The following SGK3 variants were observed in gnomAD, a reference collection of about 807,000 sequenced individuals.
The protein encoded by SGK3 is serine/threonine-protein kinase Sgk3.
SGK3 carries 47 observed loss-of-function variants against 68.5 expected under a neutral mutation model. The observed-to-expected ratio is 0.69, with a 90% confidence interval of 0.54 to 0.87. The LOEUF is 0.87. Ranked by LOEUF, SGK3 falls within the 40% of genes least tolerant of loss-of-function variation. The probability of loss-of-function intolerance (pLI) is 0.00; values close to 1 mark genes in which losing one functional copy is unlikely to be tolerated. For synonymous variants in SGK3, 181 were observed against 189.1 expected (o/e 0.96, Z 0.35); for missense variants, 479 against 575.5 (o/e 0.83, Z 1.72).
intron 1 of SGK3, among the ~76,000 whole-genome samples, chr8:66,729,484 C>T (rs908456778): frequency 2.6e-5 from 4 of 151,762 alleles, no homozygotes; most frequent in Non-Finnish European, 4.4e-5. Context: ...AAAAAAAAAT[C>T]CTGTTGTATG....
intron 1 of SGK3, among the ~76,000 whole-genome samples, chr8:66,748,083 C>T (rs1331862161): frequency 6.6e-6 from 1 of 152,126 alleles, no homozygotes; most frequent in East Asian, 1.9e-4. Context: ...TTGTAAAGGC[C>T]TCAGCACCAG....
chr8:66,803,647 T>G (rs2130610174), intron 3 of SGK3, among the ~76,000 whole-genome samples: 1 of 151,742 alleles, frequency 6.6e-6, no homozygotes, highest in East Asian at 1.9e-4. Context: ...GATAAACAAA[T>G]GTATTAGAAT....
At chr8:66,719,736 C>A (rs1804744920) in intron 1 of SGK3, among the ~76,000 whole-genome samples, 1 of 152,060 alleles carries the variant, frequency 6.6e-6, no homozygotes, top group Non-Finnish European at 1.5e-5. Context: ...ATTTCTGTTG[C>A]TGACATATAT....
At chr8:66,789,606 T>C (rs905499323) in intron 1 of SGK3, among the ~76,000 whole-genome samples, 11 of 152,364 alleles carry the variant, frequency 7.2e-5, no homozygotes, top group African/African-American at 2.6e-4. Context: ...CTTTGACTTG[T>C]AGACCATGTT....
chr8:66,763,633 T>A (rs997563810), intron 1 of SGK3, among the ~76,000 whole-genome samples: 9 of 152,066 alleles, frequency 5.9e-5, no homozygotes, highest in Non-Finnish European at 1.2e-4. Context: ...AATATATATG[T>A]GTATTTATAT....
At position 66,720,781 on chromosome 8, in the gene SGK3, T is replaced by TTATATATATATA. The variant is rs758419858; in HGVS notation, c.-122+7951_-122+7962dup. Among the ~76,000 whole-genome samples the TTATATATATATA allele has an allele frequency of 3.0e-3, 445 of 146,308 alleles. 10 individuals carry two copies. Among genetic ancestry groups the TTATATATATATA allele is most frequent in the African/African-American group, 0.011 (429 of 37,714 alleles). On this transcript the variant is annotated intron_variant, in intron 1 of 16. Transcript: ENST00000521198. ...GCAAAACTCTGTCTCAAAAAAAAAA[T>TTATATATATATA]TATATATATATATAATTAGCCAGGT...
chr8:66,712,936 C>A (rs896122288), intron 1 of SGK3, 103 bp downstream of exon 1: 19 of 152,188 alleles, frequency 1.2e-4, no homozygotes, highest in Admixed American at 1.2e-3. Context: ...GCCTCGGCCG[C>A]TGCCTGTCCT....
At chr8:66,788,134 C>T (rs1319666089) in intron 1 of SGK3, among the ~76,000 whole-genome samples, 1 of 152,192 alleles carries the variant, frequency 6.6e-6, no homozygotes, top group Admixed American at 6.5e-5. Context: ...AAATGTGGGT[C>T]TAGAAAACTT....
intron 1 of SGK3, among the ~76,000 whole-genome samples, chr8:66,722,238 C>T (rs1586669165): frequency 6.6e-6 from 1 of 152,066 alleles, no homozygotes; most frequent in East Asian, 1.9e-4. Flanking sequence ...TTCTCATAAA[C>T]ATTATTGGAA....
chr8:66,721,262 A>T (rs1369989482), intron 1 of SGK3, among the ~76,000 whole-genome samples: 1 of 152,020 alleles, frequency 6.6e-6, no homozygotes, highest in African/African-American at 2.4e-5. Flanking sequence ...GTGAGTACAC[A>T]ATCTACAACA....
At chr8:66,738,943 T>G (rs1805404160) in intron 1 of SGK3, among the ~76,000 whole-genome samples, 1 of 152,312 alleles carries the variant, frequency 6.6e-6, no homozygotes. Flanking sequence ...AGTCACTTTC[T>G]TTAGGACATC....
At chr8:66,755,663 C>T (rs1232125951) in intron 1 of SGK3, among the ~76,000 whole-genome samples, 5 of 152,156 alleles carry the variant, frequency 3.3e-5, no homozygotes, top group Non-Finnish European at 7.3e-5. Flanking sequence ...TTGAGTGACC[C>T]CAGTATGTCA....
chr8:66,733,480 G>C (rs1805227884), intron 1 of SGK3, among the ~76,000 whole-genome samples: 1 of 152,116 alleles, frequency 6.6e-6, no homozygotes, highest in East Asian at 1.9e-4. Flanking sequence ...AACGATTTAG[G>C]AAAGAAATAA....
intron 1 of SGK3, among the ~76,000 whole-genome samples, chr8:66,782,089 T>C (rs1317813995): frequency 6.6e-6 from 1 of 152,228 alleles, no homozygotes; most frequent in Non-Finnish European, 1.5e-5. Flanking sequence ...TTGGAGCTAG[T>C]ATCCTGAGAG....
At chr8:66,723,852 C>G (rs921800430) in intron 1 of SGK3, among the ~76,000 whole-genome samples, 9 of 152,166 alleles carry the variant, frequency 5.9e-5, no homozygotes, top group African/African-American at 1.9e-4. Context: ...TCTCTCATTT[C>G]TAATTGATCT....
chr8:66,733,627 CT>C (rs1805231469), intron 1 of SGK3, among the ~76,000 whole-genome samples: 1 of 152,116 alleles, frequency 6.6e-6, no homozygotes, highest in African/African-American at 2.4e-5. Flanking sequence ...ATTAGATTCA[CT>C]AATTTCAGTA....
chr8:66,853,660 G>C (rs1241199947), intron 16 of SGK3, among the ~76,000 whole-genome samples: 1 of 152,134 alleles, frequency 6.6e-6, no homozygotes, highest in Non-Finnish European at 1.5e-5. Context: ...ACTGGAAGCA[G>C]TTTATTTCTC....
chr8:66,818,741 A>ACAT (rs1808695217), intron 5 of SGK3, among the ~76,000 whole-genome samples: 1 of 152,222 alleles, frequency 6.6e-6, no homozygotes, highest in African/African-American at 2.4e-5. Flanking sequence ...CATTAACTAT[A>ACAT]GTTTGCTCAT....
At chr8:66,728,903 G>T (rs112578129) in intron 1 of SGK3, among the ~76,000 whole-genome samples, 2 of 151,042 alleles carry the variant, frequency 1.3e-5, no homozygotes, top group Non-Finnish European at 2.9e-5. Flanking sequence ...GCAACAGAGC[G>T]AAACTCTGCC....
Sources: gnomAD v4.1 joint callset for allele counts (sites outside exome capture counted in the v4.1 genomes callset) on GRCh38, gnomAD v4.1.1 for gene constraint, MANE v1.5 for transcripts, NCBI Gene and HGNC (gene_info 2026-07-23, HGNC 2026-07-21) for gene names.